Variants in TMEM98 observed in about 807,000 individuals in gnomAD.
TMEM98 encodes transmembrane protein 98.
Under a neutral mutation model 25.0 loss-of-function variants are expected in TMEM98, and 18 were observed. The observed-to-expected ratio is 0.72, with a 90% CI of 0.50 to 1.07. The LOEUF is 1.07. Among genes scored for constraint, TMEM98 ranks in the 50% least tolerant of loss-of-function variants. The pLI is 0.00. For synonymous variants in TMEM98, 103 were observed against 112.4 expected, an observed-to-expected ratio of 0.92 and a Z score of 0.53; for missense variants, 241 against 289.0, an observed-to-expected ratio of 0.83 and a Z score of 1.20.
chr17:32,942,882 G>T lies in TMEM98; in HGVS notation c.*1889G>T. The T allele has an allele frequency of 6.6e-6, 1 of 152,164 alleles. No individual in the cohort carries two copies. Among genetic ancestry groups the T allele is most frequent in the East Asian group, 1.9e-4 (1 of 5,196 alleles). The allele number at this position is 152,164 out of a possible 1,614,324, so 9.4% of individuals were successfully genotyped here. A position where few individuals can be genotyped will look rare whatever the true frequency, so the allele number is the denominator to read the frequency against. ...CTTTCAGAACCTGTTTTCGTAATTA[G>T]ACTGGAAAGCAATTCATGCTAAGTT... On this transcript the variant is annotated 3_prime_UTR_variant, in exon 8 of 8. Coordinates refer to ENST00000579849, the MANE Select transcript of TMEM98 (RefSeq NM_015544.3).
intron 1 of TMEM98, among the ~76,000 whole-genome samples, chr17:32,929,275 AACAC>A (rs111932119): frequency 1.3e-5 from 2 of 151,362 alleles, no homozygotes; most frequent in Non-Finnish European, 2.9e-5. Flanking sequence ...CACTAACACA[AACAC>A]ACACGGAGAA....
intron 3 of TMEM98, 127 bp from the exon 4 acceptor site, chr17:32,933,047 A>G (rs936215753): frequency 1.5e-6 from 2 of 1,359,494 alleles, no homozygotes; most frequent in African/African-American, 1.5e-5. Flanking sequence ...TGGATCCGGG[A>G]CAAGTGGTCT....
chr17:32,936,294 C>T lies in TMEM98; in HGVS notation c.298-38C>T, dbSNP rs754316340. The stretch of plus-strand genomic sequence containing the variant: ...GGGGTGGCGAGGCCCTGAGTGGAGC[C>T]AGGTCAGCCCTCATCTCTCTCCTCC... On this transcript the variant is annotated intron_variant, in intron 5 of 7. Coordinates refer to ENST00000579849, the MANE Select transcript of TMEM98 (RefSeq NM_015544.3). 2.6e-6 allele frequency: 4 copies of T among 1,565,414 alleles called. No individual in the cohort carries two copies. In the Admixed American group the frequency reaches 5.1e-5, roughly 20 times the overall value.
chr17:32,936,477 C>T, intron 6 of TMEM98, 30 bp downstream of exon 6: 1 of 1,592,032 alleles, frequency 6.3e-7, no homozygotes, highest in Non-Finnish European at 8.6e-7. Flanking sequence ...GAGGTCCCCA[C>T]ACTCCCTGAG....
In TMEM98 at chr17:32,940,900, T is replaced by C. The variant is rs760662244; in HGVS notation, c.588T>C (p.His196=). 1 of 1,614,128 alleles carries C rather than the reference T, an allele frequency of 6.2e-7. No homozygotes were observed. Among genetic ancestry groups the C allele is most frequent in the Non-Finnish European group, 8.5e-7 (1 of 1,180,008 alleles). The change falls in exon 8 of 8, where the codon CAT becomes CAC. Residue 196 remains histidine (H), a synonymous_variant. Transcript: ENST00000579849. ...IDQSLSAAEE[H]LEVLREAALA... Reference sequence around the variant, plus strand: ...AGTCTCTGTCGGCTGCTGAGGAGCATTTGGAAGTCCTTCGAGAAGCAGCCC... The same window carrying C: ...AGTCTCTGTCGGCTGCTGAGGAGCACTTGGAAGTCCTTCGAGAAGCAGCCC...
chr17:32,937,836 C>T (rs144527427), intron 6 of TMEM98, among the ~76,000 whole-genome samples: 57 of 152,294 alleles, frequency 3.7e-4, no homozygotes, highest in African/African-American at 1.2e-3. Context: ...GGTGATCCTC[C>T]TGCCTCAGCC....
At position 32,934,299 on chromosome 17, in the gene TMEM98, T is replaced by C; in HGVS notation, c.272T>C (p.Met91Thr). ...EDWIEDASGLMSHCIAILKIC... is the reference protein window; with the variant it reads ...EDWIEDASGLTSHCIAILKIC... The stretch of plus-strand genomic sequence containing the variant: ...TCTTCTTGTTTCCCCAGGGGTCTCA[T>C]GTCCCACTGCATTGCCATCTTGAAG... Residue 91 changes from methionine to threonine, a missense_variant, in exon 5 of 8, where the codon ATG becomes ACG. Met to Thr is a moderately conservative substitution (Grantham distance 81). Transcript: ENST00000579849. 1 of 1,614,144 alleles carries C rather than the reference T, an allele frequency of 6.2e-7. No homozygotes were observed. Among genetic ancestry groups the C allele is most frequent in the Non-Finnish European group, 8.5e-7 (1 of 1,180,020 alleles).
At chr17:32,940,687 A>G (rs2091524548) in intron 7 of TMEM98, 99 bp from the exon 8 acceptor site, 5 of 1,106,916 alleles carry the variant, frequency 4.5e-6, no homozygotes, top group Non-Finnish European at 6.5e-6. Context: ...AAGGGTGTGC[A>G]GTTTGGGGAA....
chr17:32,935,089 A>C (rs1303174981), intron 5 of TMEM98, among the ~76,000 whole-genome samples: 1 of 152,206 alleles, frequency 6.6e-6, no homozygotes, highest in African/African-American at 2.4e-5. Context: ...ATTTCAAAAG[A>C]GACAACTTTG....
intron 4 of TMEM98, 100 bp downstream of exon 4, chr17:32,933,405 C>T (rs2091480367): frequency 6.7e-7 from 1 of 1,499,030 alleles, no homozygotes. Context: ...AGAACAGTCA[C>T]TCTGTTACTT....
rs2091542691 is a variant in TMEM98 at position 32,943,804 on chromosome 17, T to C, written c.*2811T>C. On this transcript the variant is annotated 3_prime_UTR_variant, in exon 8 of 8. Coordinates refer to ENST00000579849, the MANE Select transcript of TMEM98 (RefSeq NM_015544.3). ...TGATTAGCCAATGTTAACACCCTTC[T>C]CTCCACAGCTTCCCATTCTCTGATG... 1 of 152,218 alleles carries C rather than the reference T, an allele frequency of 6.6e-6. No homozygotes were observed. Among genetic ancestry groups the C allele is most frequent in the South Asian group, 2.1e-4 (1 of 4,824 alleles). 9.4% of individuals were successfully genotyped at this position (152,218 alleles called of 1,614,324 possible). A position where few individuals can be genotyped will look rare whatever the true frequency, so the allele number is the denominator to read the frequency against.
At chr17:32,934,239 G>C in intron 4 of TMEM98, 52 bp from the exon 5 acceptor site, 1 of 1,609,544 alleles carries the variant, frequency 6.2e-7, no homozygotes, top group Non-Finnish European at 8.5e-7. Context: ...GGGAGCTGGA[G>C]GGTGGTGGGC....
At chr17:32,937,024 C>T (rs866238749) in intron 6 of TMEM98, among the ~76,000 whole-genome samples, 2 of 152,270 alleles carry the variant, frequency 1.3e-5, no homozygotes, top group South Asian at 2.1e-4. Context: ...TCAACAGCTA[C>T]ACCCCCTCAT....
chr17:32,940,747 T>C (rs1309601748), intron 7 of TMEM98, 39 bp from the exon 8 acceptor site: 2 of 1,589,946 alleles, frequency 1.3e-6, no homozygotes, highest in Non-Finnish European at 1.7e-6. Flanking sequence ...AGTCCCTCAT[T>C]TCCTAGGAAA....
chr17:32,931,229 CAAACAAAA>C (rs2091467061), intron 1 of TMEM98, 90 bp from the exon 2 acceptor site: 1 of 296,656 alleles, frequency 3.4e-6, no homozygotes, highest in Non-Finnish European at 6.3e-6. Context: ...CACAAACAAA[CAAACAAAA>C]AATTTTAGTC....
At chr17:32,933,126 C>T in intron 3 of TMEM98, 48 bp from the exon 4 acceptor site, 1 of 1,607,824 alleles carries the variant, frequency 6.2e-7, no homozygotes, top group African/African-American at 1.3e-5. Flanking sequence ...AGAGGATCAG[C>T]AGCGGTCACC....
At position 32,931,677 on chromosome 17, in the gene TMEM98, G is replaced by A. The variant is rs777054187; in HGVS notation, c.131+18G>A. On this transcript the variant is annotated intron_variant, in intron 3 of 7. Coordinates refer to ENST00000579849, the MANE Select transcript of TMEM98 (RefSeq NM_015544.3). ...GATTCTAAGTGAGTGAGCCTATGGA[G>A]GGCAAGGAGGAGGGGTGGGCTCTAA... 2.9e-5 allele frequency: 46 copies of A among 1,602,026 alleles called. 1 individual carries two copies. The South Asian group carries it at 5.1e-4, about 18-fold the overall frequency.
chr17:32,930,384 A>G (rs1179771351), intron 1 of TMEM98, among the ~76,000 whole-genome samples: 1 of 80,374 alleles, frequency 1.2e-5, no homozygotes, highest in Non-Finnish European at 2.4e-5. Context: ...TACTAAAAAA[A>G]TTCTGTGCAC....
At chr17:32,932,094 ATTTTT>A (rs774760952) in intron 3 of TMEM98, among the ~76,000 whole-genome samples, 1 of 118,992 alleles carries the variant, frequency 8.4e-6, no homozygotes, top group Non-Finnish European at 1.7e-5. Flanking sequence ...TGCACAGCAG[ATTTTT>A]TTTTTTTTTT....
Sources: gnomAD v4.1 joint callset for allele counts (sites outside exome capture counted in the v4.1 genomes callset) on GRCh38, gnomAD v4.1.1 for gene constraint, MANE v1.5 for transcripts, NCBI Gene and HGNC (gene_info 2026-07-23, HGNC 2026-07-21) for gene names.